Variants in STX11 observed in about 807,000 individuals in gnomAD.
The protein encoded by STX11 is syntaxin-11.
In STX11, 21 loss-of-function variants were observed where a neutral mutation model predicts 19.9. The ratio of observed to expected loss-of-function variants is 1.06; its 90% CI spans 0.75 to 1.52. The LOEUF (loss-of-function observed/expected upper bound fraction) is 1.52, where lower values mean the gene tolerates loss of function less well. STX11 is among the 40% of genes most tolerant of loss of function. The pLI is 0.00. For missense variants in STX11, 438 were observed against 405.9 expected (o/e 1.08, Z -0.68); for synonymous variants, 193 against 174.4 (o/e 1.11, Z -0.84).
chr6:144,143,251 C>A, the STX11 span, among the ~76,000 whole-genome samples: 1 of 152,090 alleles, frequency 6.6e-6, no homozygotes, highest in East Asian at 1.9e-4. Flanking sequence ...ATGATAATAT[C>A]ACTAGGGAAC....
Position 144,186,987 on chromosome 6 carries a change from G to A in STX11, c.360G>A (p.Pro120=), listed in dbSNP as rs775938143. ...LSEAAEAQHG[P]HSAVARISRA... is the part of the protein sequence containing the mutation. ...AGGCGGCTGAGGCCCAGCACGGCCCGCACTCGGCAGTGGCGCGCATTTCGC... is the reference window on the plus strand; with the variant it reads ...AGGCGGCTGAGGCCCAGCACGGCCCACACTCGGCAGTGGCGCGCATTTCGC... The change falls in exon 2 of 2, where the codon CCG becomes CCA. Residue 120 remains proline (P), a synonymous_variant. Transcript: ENST00000367568. The A allele has an allele frequency of 1.2e-6, 2 of 1,609,110 alleles. No homozygotes were observed. The highest frequency in any genetic ancestry group is 2.2e-5 in the East Asian group (1 of 44,842).
In STX11 at chr6:144,170,591, G is replaced by GTAT. The variant is rs10602843; in HGVS notation, c.-5-16019_-5-16017dup. Among the ~76,000 whole-genome samples, 1 of 151,598 alleles carries GTAT rather than the reference G, an allele frequency of 6.6e-6. No individual in the cohort carries two copies. Among genetic ancestry groups the GTAT allele is most frequent in the Admixed American group, 6.6e-5 (1 of 15,220 alleles). Reference sequence around the variant, plus strand: ...TTTTCAGATTAGGAATGCTCAATCTGTATTATTATTATTATATTTTACAAA... The same window carrying GTAT: ...TTTTCAGATTAGGAATGCTCAATCTGTATTATTATTATTATTATATTTTACAAA... On this transcript the variant is annotated intron_variant, in intron 1 of 1. Transcript: ENST00000367568. The surrounding 1 kb of genome is among the most constrained non-coding windows in gnomAD (Gnocchi z 4.7).
intron 1 of STX11, among the ~76,000 whole-genome samples, chr6:144,163,888 GA>G (rs1239201515): frequency 6.6e-6 from 1 of 152,226 alleles, no homozygotes; most frequent in Admixed American, 6.5e-5. Context: ...GGAGGCTGCA[GA>G]AAGCTATGAT....
chr6:144,145,072 G>A, the STX11 span, among the ~76,000 whole-genome samples: 4 of 152,114 alleles, frequency 2.6e-5, no homozygotes, highest in Non-Finnish European at 4.4e-5. Flanking sequence ...ATGAAAGCAG[G>A]GACTCAAAGA....
the STX11 span, among the ~76,000 whole-genome samples, chr6:144,142,233 A>G: frequency 6.6e-6 from 1 of 152,054 alleles, no homozygotes; most frequent in African/African-American, 2.4e-5. Context: ...ACCAAACAAT[A>G]GTATTGGTTA....
intron 1 of STX11, among the ~76,000 whole-genome samples, chr6:144,161,058 T>C (rs1164220796): frequency 6.6e-6 from 1 of 152,234 alleles, no homozygotes; most frequent in Non-Finnish European, 1.5e-5. Context: ...CTTTTCATTT[T>C]GTATAGGTTG....
chr6:144,140,243 TATATATATATATTTATTTA>T, the STX11 span, among the ~76,000 whole-genome samples: 21 of 50,936 alleles, frequency 4.1e-4, no homozygotes, highest in African/African-American at 3.1e-3. Flanking sequence ...TATATATATA[TATATATATATATTTATTTA>T]TTTATTTTTT....
At chr6:144,150,299 C>G (rs954952518), upstream of STX11, among the ~76,000 whole-genome samples, 2 of 152,268 alleles carry the variant, frequency 1.3e-5, no homozygotes, top group African/African-American at 4.8e-5. Flanking sequence ...CTCCCCGCGC[C>G]GGTCCGCGCA....
chr6:144,160,471 A>G lies in STX11; in HGVS notation c.-6+9768A>G, dbSNP rs1389838946. ...AGATAAAGGACCTTAAGTTTAATAT[A>G]TAAGTTAACAGGCAAATCTTGGGTT... On this transcript the variant is annotated intron_variant, in intron 1 of 1. Transcript: ENST00000367568. This position sits in a 1 kb window ranked among gnomAD's most constrained non-coding sequence, Gnocchi z 4.3. Among the ~76,000 whole-genome samples the G allele has an allele frequency of 1.3e-5, 2 of 152,230 alleles. No individual in the cohort carries two copies. Among genetic ancestry groups the G allele is most frequent in the Non-Finnish European group, 2.9e-5 (2 of 68,046 alleles).
chr6:144,173,445 A>G (rs1170826452), intron 1 of STX11, among the ~76,000 whole-genome samples: 1 of 152,186 alleles, frequency 6.6e-6, no homozygotes, highest in Non-Finnish European at 1.5e-5. Flanking sequence ...GTCTAAGGCC[A>G]TTTCTTACTT....
At chr6:144,185,004 G>T (rs775481829) in intron 1 of STX11, among the ~76,000 whole-genome samples, 2 of 152,156 alleles carry the variant, frequency 1.3e-5, no homozygotes, top group African/African-American at 2.4e-5. Context: ...TTTTGGTCCA[G>T]GGTGGATCTT....
In STX11 at chr6:144,187,492, C is replaced by T. The variant is rs141640848; in HGVS notation, c.*1C>T. The stretch of plus-strand genomic sequence containing the variant: ...CTTCTGCTGTCCCTGCCTCAAGTAG[C>T]AGGCCGGCCCGGGCCGCCACCGCCC... On this transcript the variant is annotated 3_prime_UTR_variant, in exon 2 of 2. Transcript: ENST00000367568. The surrounding 1 kb of genome is among the most constrained non-coding windows in gnomAD (Gnocchi z 5.6). 1 of 1,611,890 alleles carries T rather than the reference C, an allele frequency of 6.2e-7. No individual in the cohort carries two copies. The highest frequency in any genetic ancestry group is 8.5e-7 in the Non-Finnish European group (1 of 1,179,910).
intron 1 of STX11, among the ~76,000 whole-genome samples, chr6:144,178,249 T>G (rs2128753761): frequency 6.6e-6 from 1 of 152,306 alleles, no homozygotes; most frequent in Non-Finnish European, 1.5e-5. Context: ...CTGCTTAAAC[T>G]CATTAGGCCT....
chr6:144,140,209 C>CATATAT, the STX11 span, among the ~76,000 whole-genome samples: 191 of 44,116 alleles, frequency 4.3e-3, no homozygotes, highest in African/African-American at 9.1e-3. Context: ...GGTCAATTCA[C>CATATAT]ATATATATAT....
Position 144,174,807 on chromosome 6 carries a change from T to C in STX11, c.-5-11816T>C, listed in dbSNP as rs1801736959. On this transcript the variant is annotated intron_variant, in intron 1 of 1. Transcript: ENST00000367568. The surrounding 1 kb of genome is among the most constrained non-coding windows in gnomAD (Gnocchi z 5.3). ...ATGGAAATAATCTAATTGGTTGATG[T>C]ATTCATGGTTCTGATACTATCTGGT... Among the ~76,000 whole-genome samples the C allele has an allele frequency of 6.6e-6, 1 of 152,152 alleles. No homozygotes were observed. The highest frequency in any genetic ancestry group is 2.4e-5 in the African/African-American group (1 of 41,426).
intron 1 of STX11, among the ~76,000 whole-genome samples, chr6:144,178,613 A>C (rs1315941567): frequency 1.3e-5 from 2 of 152,254 alleles, no homozygotes; most frequent in Non-Finnish European, 2.9e-5. Flanking sequence ...ATTGAAAAGT[A>C]GAGGCTGTCT....
chr6:144,148,614 A>G (rs1047947338), upstream of STX11, among the ~76,000 whole-genome samples: 4 of 152,166 alleles, frequency 2.6e-5, no homozygotes, highest in Non-Finnish European at 5.9e-5. Flanking sequence ...ATTACTAATG[A>G]AAGTCCATGC....
chr6:144,148,981 T>C (rs926369925), upstream of STX11, among the ~76,000 whole-genome samples: 1 of 152,240 alleles, frequency 6.6e-6, no homozygotes, highest in African/African-American at 2.4e-5. Context: ...ATTTGTTTGA[T>C]ATTTTTCTCA....
rs916281690 is a variant in STX11 at position 144,183,338 on chromosome 6, G to T, written c.-5-3285G>T. On this transcript the variant is annotated intron_variant, in intron 1 of 1. Transcript: ENST00000367568. This position sits in a 1 kb window ranked among gnomAD's most constrained non-coding sequence, Gnocchi z 4.6. ...AACTCTGTGACTTATGTAGAAGCCA[G>T]GACCTCATTATTGTGCATTTAACTT... Among the ~76,000 whole-genome samples the T allele has an allele frequency of 2.6e-5, 4 of 152,152 alleles. No individual in the cohort carries two copies. The highest frequency in any genetic ancestry group is 9.7e-5 in the African/African-American group (4 of 41,436).
Sources: allele counts gnomAD v4.1 joint callset (sites outside exome capture counted in the v4.1 genomes callset), GRCh38; gene constraint gnomAD v4.1.1; non-coding constraint Gnocchi (gnomAD v3.1); transcripts MANE v1.5; gene names NCBI Gene and HGNC (gene_info 2026-07-23, HGNC 2026-07-21).